Variants in ACAD11 observed in about 807,000 individuals in gnomAD.
ACAD11 encodes the protein acyl-Coenzyme A dehydrogenase family, member 11.
Under a neutral mutation model 102.2 loss-of-function variants are expected in ACAD11, and 83 were observed. The ratio of observed to expected loss-of-function variants is 0.81; its 90% CI spans 0.68 to 0.97. The LOEUF (loss-of-function observed/expected upper bound fraction) is 0.97, where lower values mean the gene tolerates loss of function less well. ACAD11 is among the 50% of genes least tolerant of loss of function. The pLI, the probability that ACAD11 is intolerant of heterozygous loss-of-function variation, is 0.00. For synonymous variants in ACAD11, 324 were observed against 319.8 expected, an observed-to-expected ratio of 1.01 and a Z score of -0.14; for missense variants, 901 against 951.7, an observed-to-expected ratio of 0.95 and a Z score of 0.70.
At chr3:132,610,642 A>C (rs919087338) in intron 11 of ACAD11, among the ~76,000 whole-genome samples, 1 of 152,064 alleles carries the variant, frequency 6.6e-6, no homozygotes, top group African/African-American at 2.4e-5. Flanking sequence ...ATAAATTCCT[A>C]GACACATACA....
At position 132,559,825 on chromosome 3, in the gene ACAD11, C is replaced by G; in HGVS notation, c.2228+8G>C. ...AACGTAGATGATTCTTAAATGACATCTACTCACATGTTAGCCAGAGGGTAA... is the reference window on the plus strand; with the variant it reads ...AACGTAGATGATTCTTAAATGACATGTACTCACATGTTAGCCAGAGGGTAA... On this transcript the variant is annotated splice_region_variant and intron_variant, in intron 19 of 19. Transcript: ENST00000264990. The G allele has an allele frequency of 6.2e-7, 1 of 1,607,718 alleles. No individual in the cohort carries two copies. The highest frequency in any genetic ancestry group is 8.5e-7 in the Non-Finnish European group (1 of 1,175,142).
At chr3:132,630,779 C>T (rs1045766600) in intron 6 of ACAD11, among the ~76,000 whole-genome samples, 9 of 151,998 alleles carry the variant, frequency 5.9e-5, no homozygotes, top group Non-Finnish European at 8.8e-5. Flanking sequence ...GAAAATTTAA[C>T]GAAGAAAATG....
chr3:132,655,857 ATTAT>A (rs1937763765), intron 1 of ACAD11, among the ~76,000 whole-genome samples: 1 of 152,206 alleles, frequency 6.6e-6, no homozygotes, highest in East Asian at 1.9e-4. Context: ...TAATACTTTC[ATTAT>A]TGATTAATTC....
At chr3:132,599,988 G>A (rs187380315) in intron 13 of ACAD11, among the ~76,000 whole-genome samples, 56 of 151,944 alleles carry the variant, frequency 3.7e-4, no homozygotes, top group Non-Finnish European at 7.5e-4. Flanking sequence ...ATACTTTTAC[G>A]ATTCACAAAA....
chr3:132,561,142 G>GA lies in ACAD11; in HGVS notation c.2076dup (p.His693SerfsTer12), dbSNP rs755211145. 6.8e-6 allele frequency: 11 copies of GA among 1,613,434 alleles called. No homozygotes were observed. In the African/African-American group the frequency reaches 1.3e-4, roughly 20 times the overall value. ...GCACTGCCCAGAGTGTCCATGCTGT[G>GA]AGCAGCTTTCAGAGTCAACAAGCGG... On this transcript the variant is annotated frameshift_variant, in exon 18 of 20. Transcript: ENST00000264990. LOFTEE classifies it high-confidence loss of function.
chr3:132,564,282 A>G lies in ACAD11; in HGVS notation c.2002-3065T>C, dbSNP rs1301248831. The stretch of plus-strand genomic sequence containing the variant: ...ATTAGGATGATTCTGGCCTCATAAA[A>G]TGAGTTGACAAGTGTTTCCTCCTTC... On this transcript the variant is annotated intron_variant, in intron 17 of 19. Coordinates refer to ENST00000264990, the MANE Select transcript of ACAD11 (RefSeq NM_032169.5). Among the ~76,000 whole-genome samples the G allele has an allele frequency of 3.9e-5, 6 of 152,306 alleles. No individual in the cohort carries two copies. In the East Asian group the frequency reaches 1.2e-3, roughly 29 times the overall value.
At chr3:132,649,160 A>C (rs931203468) in intron 1 of ACAD11, among the ~76,000 whole-genome samples, 1 of 152,198 alleles carries the variant, frequency 6.6e-6, no homozygotes, top group Non-Finnish European at 1.5e-5. Flanking sequence ...TGATAGTCTG[A>C]AATATGGCCC....
At chr3:132,579,598 T>G (rs1269549507) in intron 13 of ACAD11, 40 bp from the exon 14 acceptor site, 2 of 1,569,398 alleles carry the variant, frequency 1.3e-6, no homozygotes, top group Non-Finnish European at 1.8e-6. Context: ...TAAAAGGAAA[T>G]TTCTAGTTTG....
intron 15 of ACAD11, among the ~76,000 whole-genome samples, 153 bp from the exon 16 acceptor site, chr3:132,577,168 C>A (rs1209607421): frequency 6.6e-6 from 1 of 150,904 alleles, no homozygotes; most frequent in East Asian, 1.9e-4. Context: ...GCCCTGAACC[C>A]CAGGACCCAG....
chr3:132,628,501 C>T, intron 7 of ACAD11, 55 bp from the exon 8 acceptor site: 2 of 1,258,034 alleles, frequency 1.6e-6, no homozygotes, highest in Non-Finnish European at 2.3e-6. Context: ...TTCAACAATC[C>T]AATCAATCTT....
rs41272313 is a variant in ACAD11, at chr3:132,603,092, C to T, written c.1621+137G>A. The T allele has an allele frequency of 4.9e-3, 3,617 of 732,422 alleles. 21 individuals carry two copies. Among genetic ancestry groups the T allele is most frequent in the Non-Finnish European group, 6.7e-3 (3,022 of 448,480 alleles). 45.4% of individuals were successfully genotyped at this position (732,422 alleles called of 1,614,324 possible). ...TGCTGGGATTACAGGTGTTAGCCAC[C>T]GCACCTGGCCTACACATGCAGAATT... is the stretch of plus-strand genomic sequence containing the variant. On this transcript the variant is annotated intron_variant, in intron 13 of 19. Coordinates refer to ENST00000264990, the MANE Select transcript of ACAD11 (RefSeq NM_032169.5).
chr3:132,640,640 G>A (rs533305056), intron 4 of ACAD11, among the ~76,000 whole-genome samples: 1 of 151,976 alleles, frequency 6.6e-6, no homozygotes, highest in African/African-American at 2.4e-5. Flanking sequence ...TATCAACCTG[G>A]GTTTAAATTA....
intron 16 of ACAD11, among the ~76,000 whole-genome samples, chr3:132,576,452 T>C (rs1029392775): frequency 1.3e-5 from 2 of 152,216 alleles, no homozygotes; most frequent in Non-Finnish European, 2.9e-5. Flanking sequence ...GAGGATGGCA[T>C]ACAGTGTTCA....
chr3:132,634,042 C>A (rs888789891), intron 5 of ACAD11, among the ~76,000 whole-genome samples: 63 of 152,106 alleles, frequency 4.1e-4, no homozygotes, highest in Middle Eastern at 3.4e-3. Context: ...GCAACAAAAG[C>A]CAAAATTGAC....
intron 9 of ACAD11, chr3:132,621,112 G>T (rs1939592056): frequency 6.6e-6 from 1 of 152,084 alleles, no homozygotes; most frequent in African/African-American, 2.4e-5. Flanking sequence ...AAAGAGAGAG[G>T]CAATATTTGG....
chr3:132,582,945 G>A (rs1266329625), intron 13 of ACAD11, among the ~76,000 whole-genome samples: 3 of 152,042 alleles, frequency 2.0e-5, no homozygotes, highest in African/African-American at 4.8e-5. Flanking sequence ...TAACTAACTG[G>A]GACAGAAAAT....
At chr3:132,659,408 C>T (rs1283874932) in intron 1 of ACAD11, 195 bp downstream of exon 1, 3 of 652,612 alleles carry the variant, frequency 4.6e-6, no homozygotes, top group Non-Finnish European at 7.5e-6. Flanking sequence ...GCTTCCATTA[C>T]CGCCCTCCAA....
intron 17 of ACAD11, among the ~76,000 whole-genome samples, chr3:132,562,426 A>G (rs1481051160): frequency 5.3e-5 from 8 of 152,210 alleles, no homozygotes; most frequent in Admixed American, 2.0e-4. Flanking sequence ...GTGTATTTGT[A>G]TACGGGTTTT....
intron 1 of ACAD11, 67 bp from the exon 2 acceptor site, chr3:132,644,963 C>T (rs1576619384): frequency 1.1e-6 from 1 of 935,830 alleles, no homozygotes; most frequent in East Asian, 2.5e-5. Flanking sequence ...CCAAATCCTA[C>T]TGAAATGTCA....
Sources: gnomAD v4.1 joint callset for allele counts (sites outside exome capture counted in the v4.1 genomes callset) on GRCh38, gnomAD v4.1.1 for gene constraint, MANE v1.5 for transcripts, NCBI Gene and HGNC (gene_info 2026-07-23, HGNC 2026-07-21) for gene names.